CDH7: variants seen among roughly 807,000 people sequenced by gnomAD.
CDH7 encodes the protein cadherin-7.
CDH7 carries 25 observed loss-of-function variants against 71.8 expected under a neutral mutation model. The observed-to-expected ratio is 0.35, with a 90% CI of 0.25 to 0.49. The LOEUF is 0.49. CDH7 is among the 20% of genes least tolerant of loss of function. The pLI is 0.99. For missense variants in CDH7, 862 were observed against 974.6 expected (o/e 0.88, Z 1.54); for synonymous variants, 381 against 363.8 (o/e 1.05, Z -0.54).
chr18:65,845,955 G>A (rs990970900), intron 7 of CDH7, among the ~76,000 whole-genome samples: 2 of 151,892 alleles, frequency 1.3e-5, no homozygotes, highest in Non-Finnish European at 2.9e-5. Context: ...AAGTGAATAA[G>A]TAAAATGAAA....
rs1216915632 is a variant in CDH7, at chr18:65,761,728, T to C, written c.-196-919T>C. On this transcript the variant is annotated intron_variant, in intron 1 of 11. Transcript: ENST00000397968. ...GTTCGAAAGTTTGTTTTGTAACTGATTTTATATCTCTTGCATAATCAGAAT... is the reference window on the plus strand; with the variant it reads ...GTTCGAAAGTTTGTTTTGTAACTGACTTTATATCTCTTGCATAATCAGAAT... 2.6e-5 allele frequency among the ~76,000 whole-genome samples: 4 copies of C among 152,210 alleles called. No individual in the cohort carries two copies. The East Asian group carries it at 5.8e-4, about 22-fold the overall frequency.
chr18:65,839,713 C>A (rs1238565070), intron 6 of CDH7, among the ~76,000 whole-genome samples: 2 of 152,102 alleles, frequency 1.3e-5, no homozygotes, highest in Non-Finnish European at 1.5e-5. Context: ...TAGAAGATTT[C>A]TCTGAGAGGA....
At chr18:65,825,559 CAT>C (rs1391185589) in intron 6 of CDH7, among the ~76,000 whole-genome samples, 3 of 151,768 alleles carry the variant, frequency 2.0e-5, no homozygotes, top group African/African-American at 7.2e-5. Flanking sequence ...TATTTCAAAA[CAT>C]AGTCTTAGTT....
intron 2 of CDH7, among the ~76,000 whole-genome samples, chr18:65,774,528 A>G (rs1185093479): frequency 6.6e-6 from 1 of 151,990 alleles, no homozygotes; most frequent in Non-Finnish European, 1.5e-5. Flanking sequence ...ATGATAGCCT[A>G]TTGCAGTGGT....
In CDH7 at chr18:65,881,004, C is replaced by T; in HGVS notation, c.*110C>T. On this transcript the variant is annotated 3_prime_UTR_variant, in exon 12 of 12. Transcript: ENST00000397968. Reference sequence around the variant, plus strand: ...ATACAGAAAACAAGAACTCCCCTTGCTGGAGACAGATGGTTGTAAATATTT... The same window carrying T: ...ATACAGAAAACAAGAACTCCCCTTGTTGGAGACAGATGGTTGTAAATATTT... The T allele has an allele frequency of 9.6e-7, 1 of 1,040,054 alleles. No homozygotes were observed. Among genetic ancestry groups the T allele is most frequent in the Non-Finnish European group, 1.4e-6 (1 of 738,938 alleles). The allele number at this position is 1,040,054 out of a possible 1,614,324, so 64.4% of individuals were successfully genotyped here. A position where few individuals can be genotyped will look rare whatever the true frequency, so the allele number is the denominator to read the frequency against.
chr18:65,799,818 G>A (rs1487592585), intron 2 of CDH7, among the ~76,000 whole-genome samples: 1 of 152,274 alleles, frequency 6.6e-6, no homozygotes, highest in Non-Finnish European at 1.5e-5. Context: ...CCTGAAACAT[G>A]AACTATGGCA....
chr18:65,847,599 A>G (rs978729240), intron 7 of CDH7, among the ~76,000 whole-genome samples: 2 of 152,172 alleles, frequency 1.3e-5, no homozygotes, highest in African/African-American at 4.8e-5. Context: ...TTACTGAAGT[A>G]CCACCCAAAG....
chr18:65,831,500 C>A (rs529119542), intron 6 of CDH7, among the ~76,000 whole-genome samples: 1 of 152,030 alleles, frequency 6.6e-6, no homozygotes, highest in African/African-American at 2.4e-5. Flanking sequence ...AGTTGTTTTC[C>A]CAGAATCAAG....
chr18:65,753,866 T>A (rs1300572020), intron 1 of CDH7, among the ~76,000 whole-genome samples: 2 of 152,228 alleles, frequency 1.3e-5, no homozygotes, highest in Non-Finnish European at 2.9e-5. Flanking sequence ...TCTGTCCATA[T>A]CTTCATTTCA....
intron 11 of CDH7, among the ~76,000 whole-genome samples, chr18:65,867,284 C>T (rs1913793844): frequency 6.6e-6 from 1 of 152,104 alleles, no homozygotes; most frequent in African/African-American, 2.4e-5. Flanking sequence ...ATCCACCCGC[C>T]TTGGCCTCTC....
intron 9 of CDH7, 67 bp downstream of exon 9, chr18:65,859,113 C>T: frequency 7.1e-7 from 1 of 1,414,738 alleles, no homozygotes; most frequent in South Asian, 1.2e-5. Context: ...CAGCAGTTGC[C>T]TTTGAAATTC....
intron 6 of CDH7, among the ~76,000 whole-genome samples, chr18:65,829,141 A>G (rs1912241036): frequency 3.4e-5 from 1 of 29,450 alleles, no homozygotes; most frequent in Non-Finnish European, 7.4e-5. Flanking sequence ...TTGTTTTGAG[A>G]TGGGGTCTCG....
chr18:65,843,964 T>C lies in CDH7; in HGVS notation c.1134T>C (p.Ser378=). Residue 378 remains serine (S), a synonymous_variant, in exon 7 of 12, where the codon TCT becomes TCC. Coordinates refer to ENST00000397968, the MANE Select transcript of CDH7 (RefSeq NM_004361.5). ...VEDVDEPPVF[S]SPLYPMEVSE... ...ATGTAGATGAGCCCCCTGTGTTCTC[T>C]TCACCCTTGTACCCTATGGAGGTGT... 1 of 1,612,436 alleles carries C rather than the reference T, an allele frequency of 6.2e-7. No individual in the cohort carries two copies. The highest frequency in any genetic ancestry group is 8.5e-7 in the Non-Finnish European group (1 of 1,179,052).
At chr18:65,879,174 A>T (rs1327419943) in intron 11 of CDH7, among the ~76,000 whole-genome samples, 1 of 152,204 alleles carries the variant, frequency 6.6e-6, no homozygotes, top group African/African-American at 2.4e-5. Context: ...GCATTTAAGT[A>T]CACTGCAGTT....
intron 7 of CDH7, among the ~76,000 whole-genome samples, chr18:65,847,797 T>C (rs1912984459): frequency 6.6e-6 from 1 of 152,156 alleles, no homozygotes; most frequent in Non-Finnish European, 1.5e-5. Context: ...AGGTCTTTTT[T>C]ATACTTTACC....
rs1403320259 is a variant in CDH7, at chr18:65,762,908, T to C, written c.66T>C (p.Ser22=). Residue 22 remains serine, a synonymous_variant, in exon 2 of 12, where the codon TCT becomes TCC. Coordinates refer to ENST00000397968, the MANE Select transcript of CDH7 (RefSeq NM_004361.5). ...LQLIALFLCF[S]GMSQAELSRS... is the part of the protein sequence containing the mutation. Reference sequence around the variant, plus strand: ...TAATAGCTCTTTTCCTGTGTTTTTCTGGGATGAGTCAAGCAGAACTCTCAA... The same window carrying C: ...TAATAGCTCTTTTCCTGTGTTTTTCCGGGATGAGTCAAGCAGAACTCTCAA... 4 of 1,613,630 alleles carry C rather than the reference T, an allele frequency of 2.5e-6. No homozygotes were observed. The highest frequency in any genetic ancestry group is 3.4e-6 in the Non-Finnish European group (4 of 1,179,818).
intron 3 of CDH7, among the ~76,000 whole-genome samples, chr18:65,811,616 A>G (rs1448007170): frequency 2.0e-5 from 3 of 152,152 alleles, no homozygotes; most frequent in African/African-American, 7.2e-5. Flanking sequence ...GATTTTAGAA[A>G]AAAGAAAGGG....
chr18:65,765,313 T>G (rs1308185759), intron 2 of CDH7, among the ~76,000 whole-genome samples: 1 of 152,014 alleles, frequency 6.6e-6, no homozygotes, highest in Non-Finnish European at 1.5e-5. Flanking sequence ...GGCAGAGAAC[T>G]TGATTACTAT....
At chr18:65,849,368 TC>T (rs1246608288) in intron 7 of CDH7, among the ~76,000 whole-genome samples, 1 of 68,532 alleles carries the variant, frequency 1.5e-5, no homozygotes, top group Non-Finnish European at 2.8e-5. Flanking sequence ...TCTTTTCTTT[TC>T]TTTTCTTTTC....
Sources: allele counts gnomAD v4.1 joint callset (sites outside exome capture counted in the v4.1 genomes callset), GRCh38; gene constraint gnomAD v4.1.1; transcripts MANE v1.5; gene names NCBI Gene and HGNC (gene_info 2026-07-23, HGNC 2026-07-21).